The following COL23A1 variants were observed in gnomAD, a reference collection of about 807,000 sequenced individuals.
COL23A1 encodes collagen type XXIII alpha 1 chain.
A neutral mutation model predicts 99.3 loss-of-function variants in COL23A1; 97 were observed. The ratio of observed to expected loss-of-function variants is 0.98; its 90% CI spans 0.83 to 1.16. The LOEUF is 1.16. Among genes scored for constraint, COL23A1 ranks in the 50% most tolerant of loss-of-function variants. The pLI, the probability that COL23A1 is intolerant of heterozygous loss-of-function variation, is 0.00. For missense variants in COL23A1, 762 were observed against 757.4 expected, an observed-to-expected ratio of 1.01 and a Z score of -0.07; for synonymous variants, 320 against 308.2, an observed-to-expected ratio of 1.04 and a Z score of -0.40.
chr5:178,368,901 C>T (rs1244070367), intron 2 of COL23A1, among the ~76,000 whole-genome samples: 3 of 152,252 alleles, frequency 2.0e-5, no homozygotes, highest in Non-Finnish European at 4.4e-5. Flanking sequence ...CACGTCCCTG[C>T]ACCCCGAGGG....
Position 178,514,284 on chromosome 5 carries a change from C to T in COL23A1, c.361+46398G>A, listed in dbSNP as rs186943442. 8.5e-5 allele frequency among the ~76,000 whole-genome samples: 13 copies of T among 152,330 alleles called. No individual in the cohort carries two copies. The East Asian group carries it at 2.5e-3, about 29-fold the overall frequency. ...GACACTATTCCATTGTCTGAATATC[C>T]TGTAGCACAGACCGCTTATCCCTTC... On this transcript the variant is annotated intron_variant, in intron 2 of 28. Coordinates refer to ENST00000390654, the MANE Select transcript of COL23A1 (RefSeq NM_173465.4).
At chr5:178,377,841 G>A (rs567591218) in intron 2 of COL23A1, 1 of 152,640 alleles carries the variant, frequency 6.6e-6, no homozygotes, top group African/African-American at 2.4e-5. Context: ...CAGGAGCTGG[G>A]GCCCACGACA....
chr5:178,270,021 C>T (rs1756196509), intron 6 of COL23A1, among the ~76,000 whole-genome samples: 1 of 152,184 alleles, frequency 6.6e-6, no homozygotes, highest in Non-Finnish European at 1.5e-5. Context: ...TGCTCGCATG[C>T]TTTGAGGGCT....
Position 178,387,618 on chromosome 5 carries a change from A to T in COL23A1, c.362-80699T>A, listed in dbSNP as rs1056408622. Among the ~76,000 whole-genome samples, 2 of 152,096 alleles carry T rather than the reference A, an allele frequency of 1.3e-5. No homozygotes were observed. Among genetic ancestry groups the T allele is most frequent in the Non-Finnish European group, 2.9e-5 (2 of 68,016 alleles). ...CTGAGCCTCCCCTCCTGGACCAATAACTTCTAGAGGCTCATGACCATTTAC... is the reference window on the plus strand; with the variant it reads ...CTGAGCCTCCCCTCCTGGACCAATATCTTCTAGAGGCTCATGACCATTTAC... On this transcript the variant is annotated intron_variant, in intron 2 of 28. Transcript: ENST00000390654. This position sits in a 1 kb window ranked among gnomAD's most constrained non-coding sequence, Gnocchi z 4.7.
At chr5:178,291,092 G>A (rs1012495883) in intron 3 of COL23A1, among the ~76,000 whole-genome samples, 6 of 152,182 alleles carry the variant, frequency 3.9e-5, no homozygotes, top group Non-Finnish European at 7.3e-5. Context: ...GGGCCACATC[G>A]TTGATTATGG....
intron 5 of COL23A1, among the ~76,000 whole-genome samples, chr5:178,273,930 G>A (rs948826457): frequency 2.6e-5 from 4 of 152,204 alleles, no homozygotes; most frequent in Admixed American, 6.5e-5. Context: ...CCTCTGGGCC[G>A]GAGGACCCTG....
chr5:178,550,522 C>G (rs1761941923), intron 2 of COL23A1, among the ~76,000 whole-genome samples: 1 of 152,160 alleles, frequency 6.6e-6, no homozygotes, highest in Admixed American at 6.5e-5. Flanking sequence ...TTTCTGACTT[C>G]AGTGCCAGGC....
chr5:178,436,112 A>C (rs762586319), intron 2 of COL23A1, among the ~76,000 whole-genome samples: 12 of 152,204 alleles, frequency 7.9e-5, no homozygotes, highest in African/African-American at 9.7e-5. Context: ...TGGCCTCAAC[A>C]GGCTGAGTGG....
chr5:178,316,248 T>C (rs1247754546), intron 2 of COL23A1, among the ~76,000 whole-genome samples: 1 of 152,222 alleles, frequency 6.6e-6, no homozygotes, highest in Non-Finnish European at 1.5e-5. Flanking sequence ...AGTTAGAAAG[T>C]ATTCTGAAAA....
At chr5:178,367,105 T>C (rs1337950391) in intron 2 of COL23A1, among the ~76,000 whole-genome samples, 1 of 152,206 alleles carries the variant, frequency 6.6e-6, no homozygotes, top group Non-Finnish European at 1.5e-5. Flanking sequence ...AAAATTCAGT[T>C]GCGGTCACGT....
chr5:178,364,862 C>T (rs1393868573), intron 2 of COL23A1, among the ~76,000 whole-genome samples: 2 of 152,206 alleles, frequency 1.3e-5, no homozygotes, highest in African/African-American at 4.8e-5. Flanking sequence ...GGTTTCAGGG[C>T]ACACTGCAGG....
intron 2 of COL23A1, among the ~76,000 whole-genome samples, chr5:178,345,978 T>C (rs1760946475): frequency 6.6e-6 from 1 of 152,174 alleles, no homozygotes. Context: ...AATATTTTCA[T>C]CCTGTTAGGA....
intron 22 of COL23A1, 40 bp downstream of exon 22, chr5:178,247,486 G>A (rs931533922): frequency 3.8e-5 from 62 of 1,611,332 alleles, no homozygotes; most frequent in African/African-American, 2.7e-4. Context: ...CTGCCCAGAC[G>A]GTGAGTCTGA....
At chr5:178,319,578 G>A (rs1422312597) in intron 2 of COL23A1, among the ~76,000 whole-genome samples, 2 of 152,222 alleles carry the variant, frequency 1.3e-5, no homozygotes, top group Non-Finnish European at 2.9e-5. Context: ...GCCAGGAGAA[G>A]CTGGGCATGC....
intron 2 of COL23A1, among the ~76,000 whole-genome samples, chr5:178,348,894 C>T (rs948908373): frequency 3.9e-5 from 6 of 152,326 alleles, no homozygotes; most frequent in South Asian, 2.1e-4. Flanking sequence ...GGCTGCAGCT[C>T]GTCCCACTGC....
intron 2 of COL23A1, among the ~76,000 whole-genome samples, chr5:178,335,903 C>T (rs56369565): frequency 0.048 from 7,289 of 152,314 alleles, 205 homozygotes; most frequent in Middle Eastern, 0.14. Flanking sequence ...CATGTCTTTG[C>T]CAAGAATTCC....
intron 2 of COL23A1, among the ~76,000 whole-genome samples, chr5:178,552,615 A>C (rs1450253804): frequency 1.3e-5 from 2 of 151,984 alleles, no homozygotes; most frequent in African/African-American, 4.8e-5. Flanking sequence ...TCACCCCTGT[A>C]ATCCCAGCAC....
chr5:178,568,390 A>G (rs1406505077), intron 1 of COL23A1, among the ~76,000 whole-genome samples: 3 of 152,202 alleles, frequency 2.0e-5, no homozygotes, highest in Non-Finnish European at 4.4e-5. Context: ...GTCACTTACC[A>G]CCAAATAAGA....
intron 3 of COL23A1, among the ~76,000 whole-genome samples, chr5:178,305,617 G>A (rs1388575160): frequency 6.6e-6 from 1 of 152,224 alleles, no homozygotes; most frequent in Admixed American, 6.5e-5. Context: ...TAGGCTTGAA[G>A]GACAAAGGGT....
Sources: allele counts gnomAD v4.1 joint callset (sites outside exome capture counted in the v4.1 genomes callset), GRCh38; gene constraint gnomAD v4.1.1; non-coding constraint Gnocchi (gnomAD v3.1); transcripts MANE v1.5; gene names NCBI Gene and HGNC (gene_info 2026-07-23, HGNC 2026-07-21).